Variants in PCNT observed in about 807,000 individuals in gnomAD.
PCNT encodes the protein kendrin.
Under a neutral mutation model 380.4 loss-of-function variants are expected in PCNT, and 319 were observed. The ratio of observed to expected loss-of-function variants is 0.84; its 90% CI spans 0.77 to 0.92. The LOEUF is 0.92. Ranked by LOEUF, PCNT falls within the 40% of genes least tolerant of loss-of-function variation. The pLI, the probability that PCNT is intolerant of heterozygous loss-of-function variation, is 0.00. For missense variants in PCNT, 4,400 were observed against 4,255.3 expected (o/e 1.03, Z -0.95); for synonymous variants, 1,845 against 1,735.2 (o/e 1.06, Z -1.57).
In PCNT at chr21:46,326,358, T is replaced by C. The variant is rs1327536215; in HGVS notation, c.55-19T>C. The C allele has an allele frequency of 6.2e-7, 1 of 1,612,920 alleles. No homozygotes were observed. Among genetic ancestry groups the C allele is most frequent in the Non-Finnish European group, 8.5e-7 (1 of 1,179,034 alleles). Reference sequence around the variant, plus strand: ...CTCACTTACCTTTGCCTTTACTACTTATCTACATTTTTGCGCAGCTTGCTC... The same window carrying C: ...CTCACTTACCTTTGCCTTTACTACTCATCTACATTTTTGCGCAGCTTGCTC... On this transcript the variant is annotated intron_variant, in intron 1 of 46. Transcript: ENST00000359568.
At chr21:46,390,063 G>C (rs1306227262) in intron 19 of PCNT, among the ~76,000 whole-genome samples, 3 of 152,274 alleles carry the variant, frequency 2.0e-5, no homozygotes, top group African/African-American at 7.2e-5. Context: ...AACCCATCCG[G>C]AGGGTCTTCC....
chr21:46,426,061 A>AT, intron 33 of PCNT, 90 bp downstream of exon 33: 3 of 421,624 alleles, frequency 7.1e-6, no homozygotes, highest in African/African-American at 4.6e-5. Flanking sequence ...GGACACTAGG[A>AT]TTTCTTTCTT....
intron 11 of PCNT, among the ~76,000 whole-genome samples, chr21:46,355,020 C>T (rs999378215): frequency 2.0e-5 from 3 of 152,192 alleles, no homozygotes; most frequent in Admixed American, 1.3e-4. Context: ...TGCCTCTGCG[C>T]GTGGGTGTGA....
At chr21:46,391,642 G>C (rs888054540) in intron 21 of PCNT, among the ~76,000 whole-genome samples, 1 of 152,122 alleles carries the variant, frequency 6.6e-6, no homozygotes, top group Non-Finnish European at 1.5e-5. Context: ...AAATAAGAGG[G>C]GCTCTGAGTC....
In PCNT at chr21:46,327,866, G is replaced by A. The variant is rs540290811; in HGVS notation, c.267+1277G>A. On this transcript the variant is annotated intron_variant, in intron 2 of 46. Coordinates refer to ENST00000359568, the MANE Select transcript of PCNT (RefSeq NM_006031.6). ...GACTGGGTCTGCTGCTTGAGGCCTT[G>A]TGAGCTGCAGGGGCACCCCCATGGG... 4.6e-5 allele frequency among the ~76,000 whole-genome samples: 7 copies of A among 152,354 alleles called. No individual in the cohort carries two copies. The South Asian group carries it at 8.3e-4, about 18-fold the overall frequency.
intron 3 of PCNT, among the ~76,000 whole-genome samples, chr21:46,338,501 G>A (rs539615941): frequency 3.3e-5 from 5 of 152,182 alleles, no homozygotes; most frequent in African/African-American, 1.2e-4. Context: ...TTTGATGCTG[G>A]TTAGTACTTC....
chr21:46,390,939 A>G, intron 20 of PCNT, 107 bp downstream of exon 20: 3 of 1,387,918 alleles, frequency 2.2e-6, no homozygotes, highest in Admixed American at 2.0e-5. Flanking sequence ...AGTGAAATGT[A>G]AAAACAAAGC....
intron 21 of PCNT, among the ~76,000 whole-genome samples, chr21:46,393,232 A>G (rs555114359): frequency 6.6e-6 from 1 of 152,206 alleles, no homozygotes; most frequent in East Asian, 1.9e-4. Flanking sequence ...CCCTTCCTCC[A>G]CCAGTGAAGT....
rs2087018026 is a variant in PCNT, at chr21:46,416,135, C to A, written c.6217C>A (p.Leu2073Ile). The change falls in exon 30 of 47, where the codon CTT becomes ATT. Residue 2073 changes from leucine to isoleucine, a missense_variant. Leu to Ile is a conservative substitution (Grantham distance 5). Coordinates refer to ENST00000359568, the MANE Select transcript of PCNT (RefSeq NM_006031.6). ...CGATCTCGTAGCTCAGGTGAAACAG[C>A]TTCAGGAAAAACTGAACCGTTTGCT... is the stretch of plus-strand genomic sequence containing the variant. ...KVDLVAQVKQ[L>I]QEKLNRLLYS... The A allele has an allele frequency of 6.2e-7, 1 of 1,614,064 alleles. No individual in the cohort carries two copies. The highest frequency in any genetic ancestry group is 1.3e-5 in the African/African-American group (1 of 74,910).
intron 38 of PCNT, 123 bp downstream of exon 38, chr21:46,432,338 T>C: frequency 1.1e-6 from 1 of 928,362 alleles, no homozygotes; most frequent in South Asian, 1.4e-5. Flanking sequence ...CTCTGGTCTG[T>C]GTGCCCTGAC....
rs35676009 is a variant in PCNT, at chr21:46,367,310, CT to C, written c.3165+187del. ...ACTTCTGGTCTCTTTGTGAACTGGG[CT>C]TTTTTTTTTTTTTTTGAGCCGGAGT... On this transcript the variant is annotated intron_variant, in intron 15 of 46. Coordinates refer to ENST00000359568, the MANE Select transcript of PCNT (RefSeq NM_006031.6). Among the ~76,000 whole-genome samples the C allele has an allele frequency of 0.053, 7,060 of 132,630 alleles. 146 individuals carry two copies. The highest frequency in any genetic ancestry group is 0.063 in the Non-Finnish European group (3,955 of 62,722). 87.0% of individuals were successfully genotyped at this position (132,630 alleles called of 152,430 possible).
At chr21:46,396,372 A>G (rs766895788) in intron 21 of PCNT, among the ~76,000 whole-genome samples, 2 of 152,140 alleles carry the variant, frequency 1.3e-5, no homozygotes, top group African/African-American at 2.4e-5. Flanking sequence ...AGCCTTGCAC[A>G]CTGTATCCTC....
At position 46,402,311 on chromosome 21, in the gene PCNT, T is replaced by C. The variant is rs765037253; in HGVS notation, c.4963-20T>C. The C allele has an allele frequency of 6.5e-7, 1 of 1,532,998 alleles. No homozygotes were observed. The highest frequency in any genetic ancestry group is 1.7e-5 in the Admixed American group (1 of 59,534). The allele number at this position is 1,532,998 out of a possible 1,614,324, so 95.0% of individuals were successfully genotyped here. On this transcript the variant is annotated intron_variant, in intron 26 of 46. Transcript: ENST00000359568. ...TATTAGATGACTTTTAATACTTTTC[T>C]TCTTTTGTTTTAATGAAAGGTTTTG... is the stretch of plus-strand genomic sequence containing the variant.
At position 46,425,330 on chromosome 21, in the gene PCNT, C is replaced by T. The variant is rs546681315; in HGVS notation, c.7180-501C>T. 6.6e-6 allele frequency among the ~76,000 whole-genome samples: 1 copy of T among 152,250 alleles called. No individual in the cohort carries two copies. Among genetic ancestry groups the T allele is most frequent in the Non-Finnish European group, 1.5e-5 (1 of 68,034 alleles). ...GGTTTTCTCTGCTCCCCGTGCCCAG[C>T]ACAGGCAGCTTCACCCCACGCTGGT... On this transcript the variant is annotated intron_variant, in intron 32 of 46. Transcript: ENST00000359568. The surrounding 1 kb of genome is among the most constrained non-coding windows in gnomAD (Gnocchi z 4.2).
intron 14 of PCNT, 144 bp downstream of exon 14, chr21:46,364,078 T>G: frequency 2.7e-6 from 2 of 735,696 alleles, no homozygotes; most frequent in Non-Finnish European, 4.5e-6. Flanking sequence ...TGTGGCGCTC[T>G]AGGTTTTCAG....
rs911964208 is a variant in PCNT, at chr21:46,366,997, A to G, written c.3023A>G (p.His1008Arg). 3.7e-6 allele frequency: 6 copies of G among 1,614,070 alleles called. No homozygotes were observed. The African/African-American group carries it at 6.7e-5, about 18-fold the overall frequency. ...CAACTGTGGAAAAAGGACTCTCTTCACCAAACGATTTTGACTCAAGAGTTG... is the reference window on the plus strand; with the variant it reads ...CAACTGTGGAAAAAGGACTCTCTTCGCCAAACGATTTTGACTCAAGAGTTG... ...EEQLWKKDSL[H>R]QTILTQELEK... The change falls in exon 15 of 47, where the codon CAC becomes CGC. Residue 1008 changes from histidine to arginine, a missense_variant. His to Arg is a conservative substitution (Grantham distance 29). Transcript: ENST00000359568.
At chr21:46,398,335 C>T in intron 24 of PCNT, 80 bp downstream of exon 24, 1 of 1,420,416 alleles carries the variant, frequency 7.0e-7, no homozygotes, top group East Asian at 2.4e-5. Context: ...GTCCTGCCAC[C>T]CACTCGCTTT....
chr21:46,432,240 G>T (rs760455307), intron 38 of PCNT, 25 bp downstream of exon 38: 11 of 1,585,642 alleles, frequency 6.9e-6, no homozygotes, highest in South Asian at 1.1e-5. Flanking sequence ...CCGGCGGAGC[G>T]TCCACACCTA....
At chr21:46,333,426 C>T (rs981919400) in intron 2 of PCNT, among the ~76,000 whole-genome samples, 7 of 148,634 alleles carry the variant, frequency 4.7e-5, no homozygotes, top group Admixed American at 1.4e-4. Flanking sequence ...AGTGAGACTT[C>T]GTCTCAAAAA....
Sources: allele counts gnomAD v4.1 joint callset (sites outside exome capture counted in the v4.1 genomes callset), GRCh38; gene constraint gnomAD v4.1.1; non-coding constraint Gnocchi (gnomAD v3.1); transcripts MANE v1.5; gene names NCBI Gene and HGNC (gene_info 2026-07-23, HGNC 2026-07-21).